The following MCPH1 variants were observed in gnomAD, a reference collection of about 807,000 sequenced individuals.
The protein encoded by MCPH1 is microcephalin.
Under a neutral mutation model 84.5 loss-of-function variants are expected in MCPH1, and 104 were observed. That is an observed-to-expected ratio of 1.23 (90% CI 1.05 to 1.45). MCPH1 has a LOEUF of 1.45. Ranked by LOEUF, MCPH1 falls within the 40% of genes most tolerant of loss-of-function variation. The probability of loss-of-function intolerance (pLI) is 0.00; values close to 1 mark genes in which losing one functional copy is unlikely to be tolerated. For synonymous variants in MCPH1, 514 were observed against 366.8 expected (o/e 1.40, Z -4.58); for missense variants, 1,498 against 1,005.7 (o/e 1.49, Z -6.62).
intron 5 of MCPH1, 77 bp from the exon 6 acceptor site, chr8:6,438,876 G>A: frequency 7.2e-7 from 1 of 1,388,066 alleles, no homozygotes; most frequent in Non-Finnish European, 1.0e-6. Flanking sequence ...GTGGGGGGTT[G>A]TTCTTTAAAA....
chr8:6,603,263 G>T (rs936923518), intron 12 of MCPH1, among the ~76,000 whole-genome samples: 5 of 152,114 alleles, frequency 3.3e-5, no homozygotes, highest in African/African-American at 1.2e-4. Context: ...AGAAGGGCCA[G>T]CTCAGTTTTG....
At chr8:6,556,169 A>G (rs1441502167) in intron 12 of MCPH1, among the ~76,000 whole-genome samples, 1 of 152,168 alleles carries the variant, frequency 6.6e-6, no homozygotes, top group Non-Finnish European at 1.5e-5. Context: ...TTTAATAAAA[A>G]CAAATTGTTA....
At chr8:6,504,597 A>G (rs1032111761) in intron 12 of MCPH1, among the ~76,000 whole-genome samples, 3 of 152,164 alleles carry the variant, frequency 2.0e-5, no homozygotes, top group Admixed American at 6.5e-5. Flanking sequence ...GGCAATTCAG[A>G]TATGTCAAAG....
chr8:6,519,837 G>C (rs1467326441), intron 12 of MCPH1: 6 of 1,611,182 alleles, frequency 3.7e-6, no homozygotes, highest in East Asian at 4.5e-5. Flanking sequence ...GAGCCAGGGA[G>C]TTAGTAAGGG....
chr8:6,465,385 C>A (rs1470470281), intron 9 of MCPH1, among the ~76,000 whole-genome samples: 1 of 152,222 alleles, frequency 6.6e-6, no homozygotes, highest in Non-Finnish European at 1.5e-5. Flanking sequence ...TGCCACTGCG[C>A]TGCTCCCACC....
chr8:6,412,606 G>A (rs1052777653), intron 2 of MCPH1, among the ~76,000 whole-genome samples: 2 of 152,140 alleles, frequency 1.3e-5, no homozygotes, highest in African/African-American at 2.4e-5. Context: ...GGGTCTCAGC[G>A]CAAGGTGTAG....
chr8:6,478,206 T>C (rs73520652), intron 10 of MCPH1, among the ~76,000 whole-genome samples: 2,768 of 152,276 alleles, frequency 0.018, 88 homozygotes, highest in African/African-American at 0.064. Context: ...CATCAAAACA[T>C]TGGAACATTT....
chr8:6,474,051 C>A, intron 9 of MCPH1: 1 of 808,480 alleles, frequency 1.2e-6, no homozygotes, highest in Non-Finnish European at 2.2e-6. Context: ...TGAAGTATTT[C>A]GTACAATATG....
chr8:6,411,751 G>A (rs1228737501), intron 2 of MCPH1, among the ~76,000 whole-genome samples: 1 of 152,130 alleles, frequency 6.6e-6, no homozygotes, highest in African/African-American at 2.4e-5. Context: ...CATTGTATAT[G>A]TATGTATAGG....
intron 3 of MCPH1, among the ~76,000 whole-genome samples, chr8:6,427,235 T>C (rs1371646885): frequency 1.3e-5 from 2 of 152,244 alleles, no homozygotes; most frequent in Non-Finnish European, 2.9e-5. Context: ...GAAGTTGCTG[T>C]GGTTGAGTCG....
intron 13 of MCPH1, chr8:6,627,118 C>G: frequency 5.1e-6 from 5 of 985,030 alleles, no homozygotes; most frequent in Non-Finnish European, 6.0e-6. Flanking sequence ...GCTGGCCTGG[C>G]TCATTCATCG....
At chr8:6,518,183 T>C (rs2959790) in intron 12 of MCPH1, among the ~76,000 whole-genome samples, 54,713 of 152,018 alleles carry the variant, frequency 0.36, 10,049 homozygotes, top group Middle Eastern at 0.48. Context: ...CGGCTGTCCC[T>C]CTGCATCGGT....
intron 12 of MCPH1, among the ~76,000 whole-genome samples, chr8:6,555,144 C>T (rs748329797): frequency 3.3e-5 from 5 of 152,014 alleles, no homozygotes; most frequent in Admixed American, 6.6e-5. Flanking sequence ...TCAAATCATT[C>T]AACTTCACAT....
chr8:6,566,129 G>A (rs541935867), intron 12 of MCPH1, among the ~76,000 whole-genome samples: 8 of 152,326 alleles, frequency 5.3e-5, no homozygotes, highest in Admixed American at 6.5e-5. Context: ...AGCTTTATTC[G>A]TGATACTGAA....
intron 12 of MCPH1, among the ~76,000 whole-genome samples, chr8:6,555,147 C>G (rs147126927): frequency 6.6e-6 from 1 of 152,184 alleles, no homozygotes; most frequent in Non-Finnish European, 1.5e-5. Context: ...AATCATTCAA[C>G]TTCACATCAT....
intron 13 of MCPH1, among the ~76,000 whole-genome samples, chr8:6,622,559 T>C (rs772367410): frequency 4.6e-5 from 7 of 152,210 alleles, no homozygotes; most frequent in Non-Finnish European, 8.8e-5. Context: ...GTTAGTTTGC[T>C]TGGGCTGCCA....
At chr8:6,632,613 T>C (rs879712984) in intron 13 of MCPH1, among the ~76,000 whole-genome samples, 1 of 152,042 alleles carries the variant, frequency 6.6e-6, no homozygotes, top group Non-Finnish European at 1.5e-5. Flanking sequence ...ATCGAGACCA[T>C]CCTGGCTAAC....
At position 6,643,508 on chromosome 8, in the gene MCPH1, G is replaced by GTCCACC; in HGVS notation, c.*461_*462insCACCTC. The GTCCACC allele has an allele frequency of 9.7e-6, 2 of 205,336 alleles. No homozygotes were observed. Among genetic ancestry groups the GTCCACC allele is most frequent in the Non-Finnish European group, 2.0e-5 (2 of 100,064 alleles). The allele number at this position is 205,336 out of a possible 1,614,324, so 12.7% of individuals were successfully genotyped here. On this transcript the variant is annotated 3_prime_UTR_variant, in exon 14 of 14. Coordinates refer to ENST00000344683, the MANE Select transcript of MCPH1 (RefSeq NM_024596.5). ...TCAAACGCCTGAGCTCAGGTGATCT[G>GTCCACC]TCAGGCCTCTTCTATAGAATTCCAG...
chr8:6,507,892 A>T (rs1344523279), intron 12 of MCPH1: 1 of 152,150 alleles, frequency 6.6e-6, no homozygotes, highest in Non-Finnish European at 1.5e-5. Context: ...CAGAAAAATA[A>T]CATTTTCTAA....
Sources: gnomAD v4.1 joint callset for allele counts (sites outside exome capture counted in the v4.1 genomes callset) on GRCh38, gnomAD v4.1.1 for gene constraint, MANE v1.5 for transcripts, NCBI Gene and HGNC (gene_info 2026-07-23, HGNC 2026-07-21) for gene names.